LRTM1: variants seen among roughly 807,000 people sequenced by gnomAD.
The protein encoded by LRTM1 is leucine rich repeat transmembrane protein 1, also known as leucine-rich repeat and transmembrane domain-containing protein 1.
LRTM1 carries 38 observed loss-of-function variants against 32.4 expected under a neutral mutation model. The ratio of observed to expected loss-of-function variants is 1.17; its 90% CI spans 0.91 to 1.54. The LOEUF is 1.54. Among genes scored for constraint, LRTM1 ranks in the 40% most tolerant of loss-of-function variants. LRTM1 has a pLI of 0.00. For missense variants in LRTM1, 466 were observed against 415.4 expected, an observed-to-expected ratio of 1.12 and a Z score of -1.06; for synonymous variants, 186 against 169.9, an observed-to-expected ratio of 1.09 and a Z score of -0.74.
At chr3:54,927,085 T>C (rs762528926) in intron 1 of LRTM1, among the ~76,000 whole-genome samples, 4 of 152,234 alleles carry the variant, frequency 2.6e-5, no homozygotes, top group Non-Finnish European at 5.9e-5. Flanking sequence ...AGTTATCTAC[T>C]CAAAGTGGAA....
At chr3:54,948,629 A>G (rs1208666282) in intron 1 of LRTM1, among the ~76,000 whole-genome samples, 7 of 152,230 alleles carry the variant, frequency 4.6e-5, no homozygotes, top group Non-Finnish European at 1.0e-4. Context: ...TGGAAGGAAT[A>G]CTAGGTTTCA....
chr3:54,923,812 C>T (rs1360909149), intron 2 of LRTM1, among the ~76,000 whole-genome samples: 1 of 152,204 alleles, frequency 6.6e-6, no homozygotes, highest in African/African-American at 2.4e-5. Flanking sequence ...CTCTCTGGGA[C>T]TCTGTTGCCC....
chr3:54,953,888 C>T (rs1431937931), intron 1 of LRTM1, among the ~76,000 whole-genome samples: 2 of 152,138 alleles, frequency 1.3e-5, no homozygotes, highest in South Asian at 2.1e-4. Context: ...GTCTGAGTAG[C>T]CTCTTGAGGT....
At chr3:54,940,281 A>G (rs1206045438) in intron 1 of LRTM1, among the ~76,000 whole-genome samples, 2 of 152,208 alleles carry the variant, frequency 1.3e-5, no homozygotes, top group Non-Finnish European at 2.9e-5. Context: ...AGAAAGGAAG[A>G]TTTTTGAGTC....
In LRTM1 at chr3:54,918,800, G is replaced by T; in HGVS notation, c.697C>A (p.Pro233Thr). 1 of 1,613,828 alleles carries T rather than the reference G, an allele frequency of 6.2e-7. No individual in the cohort carries two copies. Among genetic ancestry groups the T allele is most frequent in the Non-Finnish European group, 8.5e-7 (1 of 1,179,878 alleles). Residue 233 changes from proline to threonine, a missense_variant, in exon 3 of 3, where the codon CCT becomes ACT. Pro to Thr is a conservative substitution (Grantham distance 38). Transcript: ENST00000273286. ...RIPHELYQPC[P>T]LPAPDPVSSQ... Reference sequence around the variant, plus strand: ...GACACTGGATCAGGAGCAGGAAGAGGGCAGGGCTGGTACAGCTCATGAGGG... The same window carrying T: ...GACACTGGATCAGGAGCAGGAAGAGTGCAGGGCTGGTACAGCTCATGAGGG...
intron 1 of LRTM1, among the ~76,000 whole-genome samples, chr3:54,944,666 C>T (rs977324639): frequency 6.6e-6 from 1 of 152,134 alleles, no homozygotes; most frequent in Non-Finnish European, 1.5e-5. Context: ...CATGATCCGC[C>T]TGCCTCAGCC....
At chr3:54,938,728 C>T (rs73067713) in intron 1 of LRTM1, among the ~76,000 whole-genome samples, 320 of 150,864 alleles carry the variant, frequency 2.1e-3, no homozygotes, top group Non-Finnish European at 3.6e-3. Context: ...TTTTTAAAAA[C>T]GTCTTTCAAG....
intron 1 of LRTM1, among the ~76,000 whole-genome samples, chr3:54,955,855 G>T (rs1219158980): frequency 6.6e-6 from 1 of 152,132 alleles, no homozygotes; most frequent in Non-Finnish European, 1.5e-5. Flanking sequence ...GCCTGCTCAC[G>T]AAACCTGGTG....
intron 1 of LRTM1, among the ~76,000 whole-genome samples, chr3:54,944,385 A>G (rs1454442464): frequency 6.6e-6 from 1 of 151,128 alleles, no homozygotes; most frequent in Non-Finnish European, 1.5e-5. Context: ...TTTTATTTTA[A>G]ATTTCCCAGG....
At chr3:54,947,962 G>A (rs948068835) in intron 1 of LRTM1, among the ~76,000 whole-genome samples, 1 of 152,158 alleles carries the variant, frequency 6.6e-6, no homozygotes, top group African/African-American at 2.4e-5. Context: ...TCTAGCACCA[G>A]CTCCTTATTG....
At chr3:54,933,093 CTTCCTTCCTTCCTTCCTTCCTTCTTTCT>C (rs1407115685) in intron 1 of LRTM1, among the ~76,000 whole-genome samples, 2 of 103,622 alleles carry the variant, frequency 1.9e-5, no homozygotes, top group African/African-American at 3.9e-5. Context: ...TCCTTCCTTC[CTTCCTTCCTTCCTTCCTTCCTTCTTTCT>C]GGACCTCTGC....
chr3:54,920,371 A>G (rs1165045416), intron 2 of LRTM1, among the ~76,000 whole-genome samples: 2 of 152,192 alleles, frequency 1.3e-5, no homozygotes, highest in East Asian at 1.9e-4. Flanking sequence ...AATTCAACCC[A>G]TGTCCTTTTT....
At chr3:54,940,170 T>G (rs1701431306) in intron 1 of LRTM1, among the ~76,000 whole-genome samples, 1 of 152,158 alleles carries the variant, frequency 6.6e-6, no homozygotes, top group Non-Finnish European at 1.5e-5. Context: ...GTAAGAAGCA[T>G]TTGCCTGGAG....
chr3:54,928,075 A>C, upstream of LRTM1: 1 of 656,668 alleles, frequency 1.5e-6, no homozygotes, highest in Non-Finnish European at 2.7e-6. Flanking sequence ...TTGCTTTCAA[A>C]AGACCATTTA....
chr3:54,930,146 T>C (rs1303743770), upstream of LRTM1, among the ~76,000 whole-genome samples: 1 of 152,162 alleles, frequency 6.6e-6, no homozygotes, highest in Admixed American at 6.5e-5. Context: ...CAAAAACAGG[T>C]AGAGGCATAG....
chr3:54,951,303 C>T (rs901564910), intron 1 of LRTM1, among the ~76,000 whole-genome samples: 3 of 152,130 alleles, frequency 2.0e-5, no homozygotes, highest in Non-Finnish European at 2.9e-5. Context: ...ATAGCCAAGC[C>T]GCAGACAAGA....
At chr3:54,942,788 G>A (rs1701506408) in intron 1 of LRTM1, among the ~76,000 whole-genome samples, 1 of 152,094 alleles carries the variant, frequency 6.6e-6, no homozygotes, top group South Asian at 2.1e-4. Flanking sequence ...GCTTTGGGAG[G>A]CCGAGGCGGG....
chr3:54,950,642 G>T (rs975134732), intron 1 of LRTM1, among the ~76,000 whole-genome samples: 1 of 152,154 alleles, frequency 6.6e-6, no homozygotes, highest in South Asian at 2.1e-4. Flanking sequence ...CTGTGGCAGG[G>T]CAGCCTCAAC....
intron 1 of LRTM1, among the ~76,000 whole-genome samples, chr3:54,948,827 C>T (rs966760092): frequency 6.6e-6 from 1 of 152,198 alleles, no homozygotes; most frequent in Admixed American, 6.5e-5. Flanking sequence ...CTGTCAGGAG[C>T]TGTTTAGTGC....
Sources: gnomAD v4.1 joint callset for allele counts (sites outside exome capture counted in the v4.1 genomes callset) on GRCh38, gnomAD v4.1.1 for gene constraint, MANE v1.5 for transcripts, NCBI Gene and HGNC (gene_info 2026-07-23, HGNC 2026-07-21) for gene names.